MICA: variants seen among roughly 807,000 people sequenced by gnomAD.
MICA encodes the protein HLA class I antigen.
MICA carries 18 observed loss-of-function variants against 34.3 expected under a neutral mutation model. The observed-to-expected ratio is 0.52, with a 90% CI of 0.36 to 0.78. The LOEUF (loss-of-function observed/expected upper bound fraction) is 0.78, where lower values mean the gene tolerates loss of function less well. Among genes scored for constraint, MICA ranks in the 30% least tolerant of loss-of-function variants. The pLI, the probability that MICA is intolerant of heterozygous loss-of-function variation, is 0.00. For synonymous variants in MICA, 135 were observed against 156.9 expected, an observed-to-expected ratio of 0.86 and a Z score of 1.04; for missense variants, 333 against 409.4, an observed-to-expected ratio of 0.81 and a Z score of 1.61.
Position 31,403,618 on chromosome 6 carries a change from G to A in MICA, c.-15G>A. The A allele has an allele frequency of 6.7e-7, 1 of 1,502,044 alleles. No homozygotes were observed. Among genetic ancestry groups the A allele is most frequent in the Non-Finnish European group, 8.9e-7 (1 of 1,128,042 alleles). The allele number at this position is 1,502,044 out of a possible 1,614,324, so 93.0% of individuals were successfully genotyped here. A position where few individuals can be genotyped will look rare whatever the true frequency, so the allele number is the denominator to read the frequency against. Reference sequence around the variant, plus strand: ...CCACTGCTTGAGCCGCTGAGAGGGTGGCGACGTCGGGGCCATGGGGCTGGG... The same window carrying A: ...CCACTGCTTGAGCCGCTGAGAGGGTAGCGACGTCGGGGCCATGGGGCTGGG... On this transcript the variant is annotated 5_prime_UTR_variant, in exon 1 of 6. Coordinates refer to ENST00000449934, the MANE Select transcript of MICA (RefSeq NM_001177519.3). This position sits in a 1 kb window ranked among gnomAD's most constrained non-coding sequence, Gnocchi z 4.7.
upstream of MICA, among the ~76,000 whole-genome samples, chr6:31,401,126 G>A (rs1204678947): frequency 6.6e-6 from 1 of 151,774 alleles, no homozygotes; most frequent in Non-Finnish European, 1.5e-5. Context: ...TGGAGGGAGG[G>A]TAGACACCGT....
upstream of MICA, chr6:31,402,235 T>A (rs1770470189): frequency 6.6e-6 from 1 of 152,000 alleles, no homozygotes; most frequent in Non-Finnish European, 1.5e-5. Flanking sequence ...TTGTAAACAC[T>A]GCACTCAGAC....
At chr6:31,405,392 C>A (rs1211844917) in intron 1 of MICA, among the ~76,000 whole-genome samples, 1 of 150,996 alleles carries the variant, frequency 6.6e-6, no homozygotes, top group Non-Finnish European at 1.5e-5. Context: ...GGCCAGCACC[C>A]CCACCCCTTG....
At chr6:31,413,594 G>A (rs111511435) in intron 5 of MICA, among the ~76,000 whole-genome samples, 4,151 of 152,004 alleles carry the variant, frequency 0.027, 127 homozygotes, top group Admixed American at 0.042. Context: ...CAGTAGGGTC[G>A]CTGGTTTCTC....
At chr6:31,408,711 T>A (rs79953803) in intron 1 of MICA, among the ~76,000 whole-genome samples, 1 of 151,870 alleles carries the variant, frequency 6.6e-6, no homozygotes, top group Non-Finnish European at 1.5e-5. Context: ...ACTTATAATA[T>A]TTTTGAGGTT....
intron 5 of MICA, among the ~76,000 whole-genome samples, 185 bp from the exon 6 acceptor site, chr6:31,414,827 T>G (rs1771420138): frequency 2.0e-5 from 3 of 149,978 alleles, no homozygotes; most frequent in East Asian, 2.0e-4. Flanking sequence ...GTTGATGGAG[T>G]GATGGGAGGG....
rs944645342 is a variant in MICA, at chr6:31,406,541, C to T, written c.70+2839C>T. On this transcript the variant is annotated intron_variant, in intron 1 of 5. Coordinates refer to ENST00000449934, the MANE Select transcript of MICA (RefSeq NM_001177519.3). ...TTTGTTTATTGTTTCCTTTGCTGTGCAGAAGCCTTTTTACTTGATATGATC... is the reference window on the plus strand; with the variant it reads ...TTTGTTTATTGTTTCCTTTGCTGTGTAGAAGCCTTTTTACTTGATATGATC... Among the ~76,000 whole-genome samples the T allele has an allele frequency of 5.9e-5, 9 of 151,816 alleles. 1 individual carries two copies. In the Admixed American group the frequency reaches 5.9e-4, roughly 10 times the overall value.
Position 31,415,067 on chromosome 6 carries a change from G to T in MICA, c.*85G>T, listed in dbSNP as rs779356611. ...ACCCAGTTGGGACGAGTGACCACAG[G>T]GATGCCACACAGCTCGGATTTCAGC... On this transcript the variant is annotated 3_prime_UTR_variant, in exon 6 of 6. Coordinates refer to ENST00000449934, the MANE Select transcript of MICA (RefSeq NM_001177519.3). 7.2e-7 allele frequency: 1 copy of T among 1,382,232 alleles called. No individual in the cohort carries two copies. The highest frequency in any genetic ancestry group is 1.8e-4 in the Middle Eastern group (1 of 5,410). 85.6% of individuals were successfully genotyped at this position (1,382,232 alleles called of 1,614,324 possible).
intron 1 of MICA, among the ~76,000 whole-genome samples, chr6:31,407,180 A>G (rs1386304776): frequency 6.6e-6 from 1 of 151,970 alleles, no homozygotes; most frequent in African/African-American, 2.4e-5. Flanking sequence ...CTTCCAATCC[A>G]TGAACGTGGA....
chr6:31,403,721 G>C lies in MICA; in HGVS notation c.70+19G>C. 2 of 1,526,458 alleles carry C rather than the reference G, an allele frequency of 1.3e-6. No homozygotes were observed. Among genetic ancestry groups the C allele is most frequent in the East Asian group, 2.6e-5 (1 of 37,954 alleles). 94.6% of individuals were successfully genotyped at this position (1,526,458 alleles called of 1,614,324 possible). A position where few individuals can be genotyped will look rare whatever the true frequency, so the allele number is the denominator to read the frequency against. ...GCTGCTGGTGAGTGGCGTTCCTGGCGGTCCTCGGCGGAGCGGGAGCAGTGG... is the reference window on the plus strand; with the variant it reads ...GCTGCTGGTGAGTGGCGTTCCTGGCCGTCCTCGGCGGAGCGGGAGCAGTGG... On this transcript the variant is annotated intron_variant, in intron 1 of 5. Coordinates refer to ENST00000449934, the MANE Select transcript of MICA (RefSeq NM_001177519.3). This position sits in a 1 kb window ranked among gnomAD's most constrained non-coding sequence, Gnocchi z 4.7.
rs766116357 is a variant in MICA at position 31,411,289 on chromosome 6, C to T, written c.543C>T (p.His181=). The T allele has an allele frequency of 1.9e-5, 31 of 1,608,304 alleles. No homozygotes were observed. Among genetic ancestry groups the T allele is most frequent in the Non-Finnish European group, 2.3e-5 (27 of 1,177,982 alleles). The part of the protein sequence containing the change: ...EDAMKTKTHY[H]AMHADCLQEL... ...CCATGAAGACCAAGACACACTATCA[C>T]GCTATGCATGCAGACTGCCTGCAGG... Residue 181 remains histidine, a synonymous_variant, in exon 3 of 6, where the codon CAC becomes CAT. Coordinates refer to ENST00000449934, the MANE Select transcript of MICA (RefSeq NM_001177519.3). The surrounding 1 kb of genome is among the most constrained non-coding windows in gnomAD (Gnocchi z 4.3).
chr6:31,410,434 C>T (rs9266807), intron 1 of MICA, 109 bp from the exon 2 acceptor site: 49,338 of 1,374,332 alleles, frequency 0.036, 1,227 homozygotes, highest in East Asian at 0.1. Context: ...TCCCTTTGCC[C>T]GTGTGCATTT....
In MICA at chr6:31,404,762, A is replaced by T. The variant is rs1292570298; in HGVS notation, c.70+1060A>T. On this transcript the variant is annotated intron_variant, in intron 1 of 5. Coordinates refer to ENST00000449934, the MANE Select transcript of MICA (RefSeq NM_001177519.3). Reference sequence around the variant, plus strand: ...TTAGGCAGGGCGCAGGGCAGCGCAGATGCCCCCTCCCCTCCAGTGCAGATG... The same window carrying T: ...TTAGGCAGGGCGCAGGGCAGCGCAGTTGCCCCCTCCCCTCCAGTGCAGATG... 6.6e-5 allele frequency among the ~76,000 whole-genome samples: 10 copies of T among 151,766 alleles called. 1 individual carries two copies. Among genetic ancestry groups the T allele is most frequent in the African/African-American group, 2.4e-4 (10 of 41,248 alleles).
Position 31,411,463 on chromosome 6 carries a change from C to T in MICA, c.613+104C>T. 8.6e-7 allele frequency: 1 copy of T among 1,165,230 alleles called. No individual in the cohort carries two copies. Among genetic ancestry groups the T allele is most frequent in the Non-Finnish European group, 1.2e-6 (1 of 846,620 alleles). The allele number at this position is 1,165,230 out of a possible 1,614,324, so 72.2% of individuals were successfully genotyped here. On this transcript the variant is annotated intron_variant, in intron 3 of 5. Transcript: ENST00000449934. This position sits in a 1 kb window ranked among gnomAD's most constrained non-coding sequence, Gnocchi z 4.3. Reference sequence around the variant, plus strand: ...ACCCTCCCTGTGCTATGGATGAAGGCATTTCCTGTTGGCACATCGTGTCCT... The same window carrying T: ...ACCCTCCCTGTGCTATGGATGAAGGTATTTCCTGTTGGCACATCGTGTCCT...
rs1771172550 is a variant in MICA at position 31,411,818 on chromosome 6, G to A, written c.614-129G>A. 2 of 1,390,692 alleles carry A rather than the reference G, an allele frequency of 1.4e-6. No homozygotes were observed. The highest frequency in any genetic ancestry group is 5.0e-5 in the East Asian group (2 of 39,988). The allele number at this position is 1,390,692 out of a possible 1,614,324, so 86.1% of individuals were successfully genotyped here. A position where few individuals can be genotyped will look rare whatever the true frequency, so the allele number is the denominator to read the frequency against. On this transcript the variant is annotated intron_variant, in intron 3 of 5. Coordinates refer to ENST00000449934, the MANE Select transcript of MICA (RefSeq NM_001177519.3). This position sits in a 1 kb window ranked among gnomAD's most constrained non-coding sequence, Gnocchi z 4.3. The stretch of plus-strand genomic sequence containing the variant: ...TGGAAGAACTGGGCCCCAGAGTGAG[G>A]ACAGACTTGCAGGTCAGGGGTCCCG...
At chr6:31,400,857 C>G (rs1489028626), upstream of MICA, 1 of 146,258 alleles carries the variant, frequency 6.8e-6, no homozygotes, top group East Asian at 2.0e-4. Context: ...AGGGGGAGGG[C>G]TTTGGACAGA....
intron 1 of MICA, among the ~76,000 whole-genome samples, chr6:31,408,506 C>T (rs565624901): frequency 1.3e-5 from 2 of 149,140 alleles, no homozygotes; most frequent in Admixed American, 6.7e-5. Flanking sequence ...AGTGTATACT[C>T]GGTGGCATTA....
intron 5 of MICA, among the ~76,000 whole-genome samples, chr6:31,413,162 C>T (rs1168618549): frequency 6.6e-6 from 1 of 151,924 alleles, no homozygotes; most frequent in Non-Finnish European, 1.5e-5. Context: ...TTCCAGGTTC[C>T]CACGGCCTGG....
rs750324239 is a variant in MICA, at chr6:31,412,188, A to G, written c.855A>G (p.Glu285=). 1 of 1,612,004 alleles carries G rather than the reference A, an allele frequency of 6.2e-7. No homozygotes were observed. Among genetic ancestry groups the G allele is most frequent in the South Asian group, 1.1e-5 (1 of 90,868 alleles). ...GEEQRFTCYM[E]HSGNHSTHPV... ...AGCAGAGGTTCACCTGCTACATGGA[A>G]CACAGCGGGAATCACAGCACTCACC... The change falls in exon 4 of 6, where the codon GAA becomes GAG. Residue 285 remains glutamate (E), a synonymous_variant. Coordinates refer to ENST00000449934, the MANE Select transcript of MICA (RefSeq NM_001177519.3).
Sources: allele counts gnomAD v4.1 joint callset (sites outside exome capture counted in the v4.1 genomes callset), GRCh38; gene constraint gnomAD v4.1.1; non-coding constraint Gnocchi (gnomAD v3.1); transcripts MANE v1.5; gene names NCBI Gene and HGNC (gene_info 2026-07-23, HGNC 2026-07-21).